Variants in ERO1A observed in about 807,000 individuals in gnomAD.
ERO1A encodes the protein ERO1-like protein alpha.
A neutral mutation model predicts 76.9 loss-of-function variants in ERO1A; 49 were observed. The observed-to-expected ratio is 0.64, with a 90% CI of 0.51 to 0.81. The LOEUF (loss-of-function observed/expected upper bound fraction) is 0.81. Ranked by LOEUF, ERO1A falls within the 30% of genes least tolerant of loss-of-function variation. The pLI, the probability that ERO1A is intolerant of heterozygous loss-of-function variation, is 0.00. For synonymous variants in ERO1A, 174 were observed against 181.2 expected (o/e 0.96, Z 0.32); for missense variants, 448 against 542.1 (o/e 0.83, Z 1.72).
chr14:52,646,487 T>C, intron 13 of ERO1A, 26 bp from the exon 14 acceptor site: 1 of 1,551,384 alleles, frequency 6.4e-7, no homozygotes, highest in Non-Finnish European at 8.9e-7. Context: ...CAAGATTTTA[T>C]TAAGATGTAA....
chr14:52,694,568 A>G (rs2139808810), intron 1 of ERO1A, among the ~76,000 whole-genome samples: 1 of 152,182 alleles, frequency 6.6e-6, no homozygotes, highest in East Asian at 1.9e-4. Context: ...TTATCAACAG[A>G]GTCAACCAAA....
intron 4 of ERO1A, among the ~76,000 whole-genome samples, chr14:52,674,235 T>G (rs1304424050): frequency 6.6e-6 from 1 of 152,160 alleles, no homozygotes; most frequent in East Asian, 1.9e-4. Flanking sequence ...TTTCTCTGTC[T>G]CCCAAGCTGG....
rs147860481 is a variant in ERO1A at position 52,662,301 on chromosome 14, A to G, written c.677-997T>C. On this transcript the variant is annotated intron_variant, in intron 8 of 15. Coordinates refer to ENST00000395686, the MANE Select transcript of ERO1A (RefSeq NM_014584.3). ...TTGCATTTCATCTGATATTAAATCAATGGCTTCCACTGAGTCACCACATGT... is the reference window on the plus strand; with the variant it reads ...TTGCATTTCATCTGATATTAAATCAGTGGCTTCCACTGAGTCACCACATGT... 3.1e-3 allele frequency among the ~76,000 whole-genome samples: 476 copies of G among 152,308 alleles called. 1 individual carries two copies. Among genetic ancestry groups the G allele is most frequent in the Middle Eastern group, 6.8e-3 (2 of 294 alleles).
intron 3 of ERO1A, among the ~76,000 whole-genome samples, chr14:52,681,814 G>A (rs555991066): frequency 3.9e-5 from 6 of 152,094 alleles, no homozygotes; most frequent in Admixed American, 1.3e-4. Context: ...AAAAGAGGGG[G>A]GGAATTTTGT....
rs1172188263 is a variant in ERO1A at position 52,663,830 on chromosome 14, C to T, written c.647G>A (p.Arg216Lys). 1.3e-6 allele frequency: 2 copies of T among 1,564,856 alleles called. No homozygotes were observed. Among genetic ancestry groups the T allele is most frequent in the East Asian group, 4.5e-5 (2 of 44,070 alleles). The change falls in exon 8 of 16, where the codon AGA (arginine) becomes AAA (lysine). Residue 216 changes from arginine to lysine, a missense_variant. Transcript: ENST00000395686. Reference sequence around the variant, plus strand: ...ACCAGAAGCCAAAGGATTTAAAGGTCTTTTAATTGTCTGTGGCCTAGAAGT... The same window carrying T: ...ACCAGAAGCCAAAGGATTTAAAGGTTTTTTAATTGTCTGTGGCCTAGAAGT... ...ENCFKPQTIK[R>K]PLNPLASGQG...
At chr14:52,692,833 T>C (rs994124085) in intron 1 of ERO1A, among the ~76,000 whole-genome samples, 10 of 151,948 alleles carry the variant, frequency 6.6e-5, no homozygotes, top group South Asian at 2.1e-4. Context: ...CCTCTCATGC[T>C]GTTTCTCTGT....
chr14:52,646,623 A>T, intron 13 of ERO1A, 162 bp from the exon 14 acceptor site: 1 of 536,148 alleles, frequency 1.9e-6, no homozygotes, highest in Non-Finnish European at 3.3e-6. Flanking sequence ...AGATCCTTAC[A>T]TACACAATCT....
At position 52,653,100 on chromosome 14, in the gene ERO1A, T is replaced by C; in HGVS notation, c.1024A>G (p.Met342Val). 6.4e-7 allele frequency: 1 copy of C among 1,562,880 alleles called. No individual in the cohort carries two copies. Among genetic ancestry groups the C allele is most frequent in the South Asian group, 1.1e-5 (1 of 89,858 alleles). ...TCATGAAGTATTTCCAGAAGTAACA[T>C]TTTGTTTTCCTCATCCTGAATTTTA... is the stretch of plus-strand genomic sequence containing the variant. The part of the protein sequence containing the change: ...GNKIQDEENK[M>V]LLLEILHEIK... The change falls in exon 12 of 16, where the codon ATG becomes GTG. Residue 342 changes from methionine to valine, a missense_variant. Met to Val is a conservative substitution (Grantham distance 21). Transcript: ENST00000395686.
intron 11 of ERO1A, among the ~76,000 whole-genome samples, chr14:52,657,207 T>C (rs2040080183): frequency 6.6e-6 from 1 of 152,208 alleles, no homozygotes; most frequent in Non-Finnish European, 1.5e-5. Flanking sequence ...AAAAGTGGAC[T>C]ATAAATATGG....
At chr14:52,652,045 T>G (rs1231194436) in intron 13 of ERO1A, among the ~76,000 whole-genome samples, 194 bp downstream of exon 13, 1 of 151,112 alleles carries the variant, frequency 6.6e-6, no homozygotes, top group Non-Finnish European at 1.5e-5. Flanking sequence ...TTGCCCAAGC[T>G]GGTCTTGAAC....
chr14:52,661,700 A>G (rs1318637186), intron 8 of ERO1A, among the ~76,000 whole-genome samples: 8 of 152,158 alleles, frequency 5.3e-5, no homozygotes, highest in African/African-American at 1.9e-4. Flanking sequence ...GTTAAATATT[A>G]TTATTATTGC....
intron 1 of ERO1A, among the ~76,000 whole-genome samples, chr14:52,689,383 T>C (rs559622693): frequency 7.9e-4 from 121 of 152,264 alleles, no homozygotes; most frequent in Non-Finnish European, 1.2e-3. Context: ...CATGATCTTA[T>C]ATATAGAAAA....
chr14:52,643,763 G>A (rs1566632734), intron 15 of ERO1A, 133 bp from the exon 16 acceptor site: 6 of 527,212 alleles, frequency 1.1e-5, no homozygotes, highest in Non-Finnish European at 2.0e-5. Flanking sequence ...ACCATTTAAT[G>A]TATTTTAATA....
chr14:52,672,399 T>G (rs1355043029), intron 4 of ERO1A, among the ~76,000 whole-genome samples: 5 of 152,230 alleles, frequency 3.3e-5, no homozygotes. Context: ...GCCCCTAAAG[T>G]ACATTTCTAC....
At chr14:52,656,743 T>C (rs925505286) in intron 11 of ERO1A, among the ~76,000 whole-genome samples, 1 of 147,764 alleles carries the variant, frequency 6.8e-6, no homozygotes, top group Non-Finnish European at 1.5e-5. Flanking sequence ...GTAAAATTAC[T>C]AATGAGTTTA....
At chr14:52,676,801 G>A (rs1344511549) in intron 4 of ERO1A, among the ~76,000 whole-genome samples, 3 of 151,084 alleles carry the variant, frequency 2.0e-5, no homozygotes, top group Admixed American at 6.6e-5. Flanking sequence ...TTGAGAGGCC[G>A]AGGTGGGTGA....
chr14:52,693,851 C>T (rs1369240375), intron 1 of ERO1A, among the ~76,000 whole-genome samples: 4 of 151,862 alleles, frequency 2.6e-5, no homozygotes, highest in Non-Finnish European at 5.9e-5. Flanking sequence ...TAGCCACTCT[C>T]GTTCTAAAAG....
chr14:52,672,857 T>G lies in ERO1A; in HGVS notation c.358-986A>C, dbSNP rs893759296. On this transcript the variant is annotated intron_variant, in intron 4 of 15. Coordinates refer to ENST00000395686, the MANE Select transcript of ERO1A (RefSeq NM_014584.3). ...GATACTATGAAATTGTAATCCTCAA[T>G]TTCATTACATCTCAGATCAGAATAT... Among the ~76,000 whole-genome samples the G allele has an allele frequency of 6.0e-5, 9 of 150,720 alleles. No homozygotes were observed. In the South Asian group the frequency reaches 8.4e-4, roughly 14 times the overall value.
rs546977456 is a variant in ERO1A at position 52,654,681 on chromosome 14, T to C, written c.809-1366A>G. On this transcript the variant is annotated intron_variant, in intron 11 of 15. Coordinates refer to ENST00000395686, the MANE Select transcript of ERO1A (RefSeq NM_014584.3). The stretch of plus-strand genomic sequence containing the variant: ...GTGAAGAAATAAGATTGATTCTTCA[T>C]GTGGAGATAACATTTTTCCATGCTG... Among the ~76,000 whole-genome samples the C allele has an allele frequency of 3.9e-5, 6 of 152,324 alleles. No homozygotes were observed. In the South Asian group the frequency reaches 1.2e-3, roughly 32 times the overall value.
Sources: gnomAD v4.1 joint callset for allele counts (sites outside exome capture counted in the v4.1 genomes callset) on GRCh38, gnomAD v4.1.1 for gene constraint, MANE v1.5 for transcripts, NCBI Gene and HGNC (gene_info 2026-07-23, HGNC 2026-07-21) for gene names.